Variants in GGT1 observed in about 807,000 individuals in gnomAD.
GGT1 encodes gamma-glutamyltransferase 1, also known as glutathione hydrolase 1 proenzyme.
Under a neutral mutation model 56.0 loss-of-function variants are expected in GGT1, and 21 were observed. That is an observed-to-expected ratio of 0.38 (90% CI 0.27 to 0.54). GGT1 has a LOEUF of 0.54. Ranked by LOEUF, GGT1 falls within the 20% of genes least tolerant of loss-of-function variation. The probability of loss-of-function intolerance (pLI) is 0.82; values close to 1 mark genes in which losing one functional copy is unlikely to be tolerated. For missense variants in GGT1, 466 were observed against 787.0 expected (o/e 0.59, Z 4.88); for synonymous variants, 238 against 342.6 (o/e 0.69, Z 3.37).
At chr22:24,587,211 G>A in the GGT1 span, among the ~76,000 whole-genome samples, 42 of 152,306 alleles carry the variant, frequency 2.8e-4, no homozygotes, top group East Asian at 5.6e-3. Flanking sequence ...ACAGGGCACC[G>A]GGGATAGAGA....
chr22:24,625,180 A>C (rs2047670671), intron 11 of GGT1, among the ~76,000 whole-genome samples: 1 of 152,192 alleles, frequency 6.6e-6, no homozygotes, highest in Non-Finnish European at 1.5e-5. Flanking sequence ...GGTGTGTCTC[A>C]AAAGTGAGAC....
upstream of GGT1, among the ~76,000 whole-genome samples, chr22:24,593,554 G>A (rs962119976): frequency 2.6e-5 from 4 of 152,182 alleles, no homozygotes; most frequent in African/African-American, 7.2e-5. Context: ...TTGGGGGGCC[G>A]AGGCAGGCGG....
At chr22:24,583,819 C>T in the GGT1 span, 2 of 470,786 alleles carry the variant, frequency 4.2e-6, no homozygotes, top group East Asian at 6.9e-5. Flanking sequence ...GTAGGAATCT[C>T]TCAGTGACAA....
the GGT1 span, chr22:24,588,399 G>A: frequency 4.8e-4 from 585 of 1,210,694 alleles, 4 homozygotes; most frequent in South Asian, 4.3e-3. Context: ...TGGGGAGAGG[G>A]ACCCAGGCAG....
chr22:24,591,691 G>A (rs2147172071), upstream of GGT1, among the ~76,000 whole-genome samples: 1 of 152,316 alleles, frequency 6.6e-6, no homozygotes, highest in African/African-American at 2.4e-5. Flanking sequence ...TGGACTCCAG[G>A]CAGCATCCCA....
the GGT1 span, among the ~76,000 whole-genome samples, chr22:24,587,874 T>G: frequency 6.6e-6 from 1 of 151,968 alleles, no homozygotes; most frequent in East Asian, 1.9e-4. Context: ...TTGGGAAGTC[T>G]CAGCTGAAGA....
At chr22:24,589,948 T>C, upstream of GGT1, 1 of 1,592,916 alleles carries the variant, frequency 6.3e-7, no homozygotes, top group Non-Finnish European at 8.5e-7. Flanking sequence ...AAGGCCCAGG[T>C]CCTGTGAGTG....
chr22:24,605,046 ATATAT>A lies in GGT1; in HGVS notation c.-429+1525_-429+1529del, dbSNP rs1340642807. 1.1e-4 allele frequency among the ~76,000 whole-genome samples: 7 copies of A among 62,312 alleles called. 2 individuals carry two copies. Among genetic ancestry groups the A allele is most frequent in the East Asian group, 7.7e-4 (2 of 2,604 alleles). 40.9% of individuals were successfully genotyped at this position (62,312 alleles called of 152,430 possible). A position where few individuals can be genotyped will look rare whatever the true frequency, so the allele number is the denominator to read the frequency against. On this transcript the variant is annotated intron_variant, in intron 1 of 15. Coordinates refer to ENST00000400382, the MANE Select transcript of GGT1 (RefSeq NM_001288833.2). ...GTCATATATATATATAAAATATGTA[ATATAT>A]TATATATTATATGTAATATATAATA...
At chr22:24,585,873 G>T in the GGT1 span, 1 of 1,565,036 alleles carries the variant, frequency 6.4e-7, no homozygotes, top group Non-Finnish European at 8.6e-7. Context: ...CAATGAGCCA[G>T]GTGGGTGGTG....
At chr22:24,622,912 G>C (rs2047521709) in intron 9 of GGT1, among the ~76,000 whole-genome samples, 195 bp from the exon 10 acceptor site, 1 of 152,124 alleles carries the variant, frequency 6.6e-6, no homozygotes, top group Admixed American at 6.6e-5. Context: ...AAGGAGGTGA[G>C]GTTGCCTGTG....
In GGT1 at chr22:24,596,675, G is replaced by A. The variant is rs536156878; in HGVS notation, c.-324+1789G>A. ...AGCACTTTTGGAGGCTGCGGTGGAC[G>A]GACCATGAGGTCAGGAAATTGAGGC... On this transcript the variant is annotated intron_variant, in intron 1 of 6. Transcript: ENST00000411974. Among the ~76,000 whole-genome samples the A allele has an allele frequency of 2.4e-4, 36 of 150,090 alleles. 1 individual carries two copies. The South Asian group carries it at 6.5e-3, about 27-fold the overall frequency.
At chr22:24,617,593 G>A (rs190804684) in intron 7 of GGT1, among the ~76,000 whole-genome samples, 12 of 151,820 alleles carry the variant, frequency 7.9e-5, no homozygotes, top group Non-Finnish European at 1.5e-5. Flanking sequence ...GGGAGTCCCC[G>A]GGGACCCCTG....
chr22:24,587,638 T>G, the GGT1 span, among the ~76,000 whole-genome samples: 1 of 152,022 alleles, frequency 6.6e-6, no homozygotes, highest in Non-Finnish European at 1.5e-5. Flanking sequence ...GCTCCATGGA[T>G]GGAGTCACTC....
chr22:24,597,684 A>ACAC (rs60798811), intron 1 of GGT1, among the ~76,000 whole-genome samples: 5,613 of 148,776 alleles, frequency 0.038, 141 homozygotes, highest in Admixed American at 0.057. Context: ...CCATCTCAAA[A>ACAC]ACACACACAC....
intron 12 of GGT1, 23 bp downstream of exon 12, chr22:24,627,642 G>A (rs1165828475): frequency 1.3e-6 from 2 of 1,572,226 alleles, no homozygotes; most frequent in Admixed American, 3.7e-5. Flanking sequence ...GGGCCGCCTG[G>A]GTGGGAAAGG....
chr22:24,602,562 A>ATGAG (rs1285613581), upstream of GGT1, among the ~76,000 whole-genome samples: 1 of 152,198 alleles, frequency 6.6e-6, no homozygotes, highest in Non-Finnish European at 1.5e-5. Flanking sequence ...AGGTGAGGGC[A>ATGAG]TGAGATGGAC....
intron 1 of GGT1, among the ~76,000 whole-genome samples, chr22:24,596,583 C>T (rs532869197): frequency 6.6e-6 from 1 of 152,168 alleles, no homozygotes; most frequent in East Asian, 1.9e-4. Context: ...TGCCACCATG[C>T]CCGGCTCACA....
At chr22:24,595,892 C>T (rs970327543) in intron 1 of GGT1, among the ~76,000 whole-genome samples, 14 of 152,326 alleles carry the variant, frequency 9.2e-5, no homozygotes, top group Admixed American at 3.9e-4. Flanking sequence ...GGGAAAAAGG[C>T]CAGCTCAGGG....
At chr22:24,585,852 C>A in the GGT1 span, 1 of 1,526,968 alleles carries the variant, frequency 6.5e-7, no homozygotes, top group Non-Finnish European at 8.8e-7. Flanking sequence ...GAGAGCATCA[C>A]AAGTCAGTAG....
Sources: gnomAD v4.1 joint callset for allele counts (sites outside exome capture counted in the v4.1 genomes callset) on GRCh38, gnomAD v4.1.1 for gene constraint, MANE v1.5 for transcripts, NCBI Gene and HGNC (gene_info 2026-07-23, HGNC 2026-07-21) for gene names.